MAGI1: variants seen among roughly 807,000 people sequenced by gnomAD.
The protein encoded by MAGI1 is membrane associated guanylate kinase, WW and PDZ domain containing 1, also known as membrane-associated guanylate kinase, WW and PDZ domain-containing protein 1.
MAGI1 carries 58 observed loss-of-function variants against 139.9 expected under a neutral mutation model. That is an observed-to-expected ratio of 0.41 (90% CI 0.34 to 0.52). The LOEUF (loss-of-function observed/expected upper bound fraction) is 0.52. Among genes scored for constraint, MAGI1 ranks in the 20% least tolerant of loss-of-function variants. The probability of loss-of-function intolerance (pLI) is 0.12; values close to 1 mark genes in which losing one functional copy is unlikely to be tolerated. For synonymous variants in MAGI1, 812 were observed against 737.9 expected, an observed-to-expected ratio of 1.10 and a Z score of -1.63; for missense variants, 1,874 against 1,901.6, an observed-to-expected ratio of 0.99 and a Z score of 0.27.
chr3:65,720,484 C>T (rs1469653388), intron 1 of MAGI1, among the ~76,000 whole-genome samples: 2 of 152,136 alleles, frequency 1.3e-5, no homozygotes, highest in Non-Finnish European at 2.9e-5. Flanking sequence ...TCTGATGAAC[C>T]TCTGGGCCTC....
intron 12 of MAGI1, among the ~76,000 whole-genome samples, chr3:65,406,022 G>A (rs561156853): frequency 2.0e-5 from 3 of 152,118 alleles, no homozygotes; most frequent in Admixed American, 6.5e-5. Flanking sequence ...CGCCACGCCC[G>A]GCCTCTATAC....
intron 12 of MAGI1, among the ~76,000 whole-genome samples, chr3:65,413,383 C>T (rs1318232041): frequency 1.3e-5 from 2 of 152,074 alleles, no homozygotes; most frequent in African/African-American, 2.4e-5. Context: ...AACAGCAAGG[C>T]GATCGGGCTT....
intron 1 of MAGI1, among the ~76,000 whole-genome samples, chr3:65,691,565 A>C (rs2088655212): frequency 6.6e-6 from 1 of 152,154 alleles, no homozygotes; most frequent in Non-Finnish European, 1.5e-5. Context: ...GTAAACTTTT[A>C]GCAGAACATT....
intron 2 of MAGI1, among the ~76,000 whole-genome samples, chr3:65,506,224 G>A (rs919815414): frequency 6.6e-6 from 1 of 152,084 alleles, no homozygotes. Context: ...TCTCTAAAAT[G>A]GGAATAATAA....
At chr3:65,733,616 T>C (rs778721432) in intron 1 of MAGI1, among the ~76,000 whole-genome samples, 2 of 152,146 alleles carry the variant, frequency 1.3e-5, no homozygotes, top group East Asian at 1.9e-4. Context: ...AACCATCTGG[T>C]TTATAGGGAC....
intron 1 of MAGI1, among the ~76,000 whole-genome samples, chr3:66,026,547 G>C (rs1453104705): frequency 6.6e-6 from 1 of 150,946 alleles, no homozygotes; most frequent in African/African-American, 2.4e-5. Flanking sequence ...AGACTACAAA[G>C]ATCCATAAAA....
intron 12 of MAGI1, among the ~76,000 whole-genome samples, chr3:65,420,381 G>GC (rs754502104): frequency 2.0e-5 from 3 of 152,058 alleles, no homozygotes; most frequent in Admixed American, 6.5e-5. Context: ...ATCTACAAGA[G>GC]CCCCCTCACT....
At chr3:65,357,508 T>C (rs1488661083) in intron 22 of MAGI1, among the ~76,000 whole-genome samples, 3 of 148,390 alleles carry the variant, frequency 2.0e-5, no homozygotes, top group Non-Finnish European at 3.0e-5. Flanking sequence ...CCAACCCTTT[T>C]CCCCTGTGCC....
chr3:65,651,612 CA>C (rs975247927), intron 1 of MAGI1, among the ~76,000 whole-genome samples: 1 of 152,154 alleles, frequency 6.6e-6, no homozygotes, highest in Non-Finnish European at 1.5e-5. Context: ...ATTAACTGTT[CA>C]TCAGTGAGTC....
intron 14 of MAGI1, among the ~76,000 whole-genome samples, chr3:65,383,963 G>A (rs1290562345): frequency 6.6e-6 from 1 of 152,122 alleles, no homozygotes; most frequent in African/African-American, 2.4e-5. Context: ...AAATTATTAT[G>A]TGCCACACCA....
chr3:65,577,736 T>C (rs1303915009), intron 2 of MAGI1, among the ~76,000 whole-genome samples: 2 of 152,222 alleles, frequency 1.3e-5, no homozygotes, highest in Non-Finnish European at 2.9e-5. Flanking sequence ...CCAGGCTGTA[T>C]ACAAAATGTG....
At chr3:66,001,730 A>T (rs924206830) in intron 1 of MAGI1, among the ~76,000 whole-genome samples, 2 of 152,202 alleles carry the variant, frequency 1.3e-5, no homozygotes. Flanking sequence ...CTTCCTGTCC[A>T]GTTCATAACA....
intron 3 of MAGI1, among the ~76,000 whole-genome samples, chr3:65,492,105 C>A (rs1169545146): frequency 2.0e-5 from 3 of 152,160 alleles, no homozygotes; most frequent in Non-Finnish European, 2.9e-5. Context: ...TAAGTCTAAT[C>A]TTTAAAATGC....
Position 65,391,186 on chromosome 3 carries a change from G to A in MAGI1, c.2372C>T (p.Pro791Leu). 1.2e-6 allele frequency: 2 copies of A among 1,614,224 alleles called. No homozygotes were observed. Among genetic ancestry groups the A allele is most frequent in the South Asian group, 1.1e-5 (1 of 91,078 alleles). The stretch of plus-strand genomic sequence containing the variant: ...CCTGGACTGGGCCCAGATTTTAAAA[G>A]GATCTGGTTTTTTCTGGCCAGAGCT... Reference protein sequence around the residue: ...TDSSGQKKPDPFKIWAQSRSM... With the variant: ...TDSSGQKKPDLFKIWAQSRSM... The change falls in exon 14 of 23, where the codon CCT becomes CTT. Residue 791 changes from proline to leucine, a missense_variant. Transcript: ENST00000402939.
At chr3:65,525,250 G>A (rs910999239) in intron 2 of MAGI1, among the ~76,000 whole-genome samples, 1 of 152,138 alleles carries the variant, frequency 6.6e-6, no homozygotes, top group African/African-American at 2.4e-5. Flanking sequence ...CACATGCTGA[G>A]CAGAGGAGTA....
chr3:65,561,933 T>G (rs918328034), intron 2 of MAGI1, among the ~76,000 whole-genome samples: 1 of 152,190 alleles, frequency 6.6e-6, no homozygotes, highest in African/African-American at 2.4e-5. Flanking sequence ...AGTTTGACAA[T>G]AGGTGCTTAT....
chr3:65,661,207 G>A (rs1300868611), intron 1 of MAGI1, among the ~76,000 whole-genome samples: 1 of 152,102 alleles, frequency 6.6e-6, no homozygotes, highest in African/African-American at 2.4e-5. Context: ...AGCCTTTTTG[G>A]ATCCCTAGTC....
At chr3:66,002,436 G>A (rs1228666909) in intron 1 of MAGI1, among the ~76,000 whole-genome samples, 1 of 152,072 alleles carries the variant, frequency 6.6e-6, no homozygotes, top group Non-Finnish European at 1.5e-5. Context: ...GGGGTGGGGG[G>A]TGGTGGTGAA....
chr3:65,928,647 G>A (rs2062643176), intron 1 of MAGI1, among the ~76,000 whole-genome samples: 1 of 152,118 alleles, frequency 6.6e-6, no homozygotes, highest in Non-Finnish European at 1.5e-5. Flanking sequence ...TATAGTACAT[G>A]TCAAACTACA....
Sources: gnomAD v4.1 joint callset for allele counts (sites outside exome capture counted in the v4.1 genomes callset) on GRCh38, gnomAD v4.1.1 for gene constraint, MANE v1.5 for transcripts, NCBI Gene and HGNC (gene_info 2026-07-23, HGNC 2026-07-21) for gene names.